Variants in C1orf185 observed in about 807,000 individuals in gnomAD.
The protein encoded by C1orf185 is chromosome 1 open reading frame 185, also known as uncharacterized protein C1orf185.
Under a neutral mutation model 16.1 loss-of-function variants are expected in C1orf185, and 13 were observed. The ratio of observed to expected loss-of-function variants is 0.81; its 90% confidence interval spans 0.53 to 1.28. The LOEUF is 1.28. Among genes scored for constraint, C1orf185 ranks in the 50% most tolerant of loss-of-function variants. C1orf185 has a pLI of 0.00. For synonymous variants in C1orf185, 80 were observed against 76.9 expected (o/e 1.04, Z -0.21); for missense variants, 220 against 225.2 (o/e 0.98, Z 0.15).
chr1:51,135,295 TTTGGGAG>T (rs1161209628), intron 3 of C1orf185, among the ~76,000 whole-genome samples: 1 of 152,112 alleles, frequency 6.6e-6, no homozygotes, highest in African/African-American at 2.4e-5. Context: ...ATCTCAACAC[TTTGGGAG>T]GCCAAGGCGG....
chr1:51,137,703 T>C (rs1646336625), intron 3 of C1orf185, among the ~76,000 whole-genome samples: 1 of 152,150 alleles, frequency 6.6e-6, no homozygotes, highest in Admixed American at 6.5e-5. Flanking sequence ...CATTACTGGA[T>C]ATTACCCAAA....
chr1:51,129,618 T>C (rs1646268743), intron 3 of C1orf185: 1 of 152,206 alleles, frequency 6.6e-6, no homozygotes. Flanking sequence ...CAGGCTGCTA[T>C]AACAAAAATA....
intron 2 of C1orf185, among the ~76,000 whole-genome samples, chr1:51,113,624 G>T (rs1004268765): frequency 2.6e-5 from 4 of 152,186 alleles, no homozygotes; most frequent in African/African-American, 9.7e-5. Flanking sequence ...TGCAGAGGTT[G>T]CAGTGAGCCG....
At chr1:51,146,314 C>T (rs1394889266) in intron 4 of C1orf185, among the ~76,000 whole-genome samples, 1 of 151,866 alleles carries the variant, frequency 6.6e-6, no homozygotes, top group African/African-American at 2.4e-5. Context: ...TAAAAATTAG[C>T]TGGATGTGGT....
At chr1:51,108,069 A>C (rs72892442) in intron 1 of C1orf185, among the ~76,000 whole-genome samples, 2 of 152,306 alleles carry the variant, frequency 1.3e-5, no homozygotes, top group African/African-American at 4.8e-5. Context: ...AATGCTAAAC[A>C]GTTTTTTAAA....
At chr1:51,146,882 G>A (rs1646404299) in intron 4 of C1orf185, among the ~76,000 whole-genome samples, 1 of 152,100 alleles carries the variant, frequency 6.6e-6, no homozygotes, top group South Asian at 2.1e-4. Flanking sequence ...CCTTCCCAAT[G>A]CAGACCAAGT....
chr1:51,127,787 G>A (rs1000103641), intron 3 of C1orf185, among the ~76,000 whole-genome samples: 2 of 151,718 alleles, frequency 1.3e-5, no homozygotes, highest in African/African-American at 4.8e-5. Context: ...CTTGTTGACG[G>A]ATATTGGGTT....
chr1:51,124,522 C>T (rs1263864879), intron 3 of C1orf185, among the ~76,000 whole-genome samples: 1 of 152,196 alleles, frequency 6.6e-6, no homozygotes, highest in African/African-American at 2.4e-5. Context: ...CATTACTGCT[C>T]TTTGCAGATC....
intron 3 of C1orf185, among the ~76,000 whole-genome samples, chr1:51,119,481 G>A (rs375507802): frequency 1.3e-5 from 2 of 152,272 alleles, no homozygotes; most frequent in East Asian, 1.9e-4. Flanking sequence ...AGTTGTACTC[G>A]GTGTTCATTG....
intron 3 of C1orf185, among the ~76,000 whole-genome samples, chr1:51,128,800 A>T (rs1390383286): frequency 6.6e-6 from 1 of 152,080 alleles, no homozygotes; most frequent in Non-Finnish European, 1.5e-5. Context: ...TGTGTGTGTG[A>T]CCTGCTTGTT....
intron 1 of C1orf185, among the ~76,000 whole-genome samples, chr1:51,112,200 A>G (rs907140294): frequency 1.3e-5 from 2 of 152,154 alleles, no homozygotes; most frequent in Admixed American, 1.3e-4. Context: ...AGCTGTACAA[A>G]CACAAACGAA....
At chr1:51,106,978 T>C (rs1004178049) in intron 1 of C1orf185, among the ~76,000 whole-genome samples, 9 of 152,094 alleles carry the variant, frequency 5.9e-5, no homozygotes, top group Non-Finnish European at 1.2e-4. Context: ...AGGATGGTTT[T>C]GATCTCCTGA....
rs769457494 is a variant in C1orf185, at chr1:51,127,885, G to GTTT, written c.258+9102_258+9104dup. Among the ~76,000 whole-genome samples, 440 of 115,316 alleles carry GTTT rather than the reference G, an allele frequency of 3.8e-3. 2 individuals carry two copies. The highest frequency in any genetic ancestry group is 6.8e-3 in the Non-Finnish European group (369 of 54,512). 75.7% of individuals were successfully genotyped at this position (115,316 alleles called of 152,430 possible). A position where few individuals can be genotyped will look rare whatever the true frequency, so the allele number is the denominator to read the frequency against. Reference sequence around the variant, plus strand: ...ATATATTCTCATTTTTCTTTTCTTTGTTTTTTTTTTTTTTTTTTTTGAGAT... The same window carrying GTTT: ...ATATATTCTCATTTTTCTTTTCTTTGTTTTTTTTTTTTTTTTTTTTTTTGAGAT... On this transcript the variant is annotated intron_variant, in intron 3 of 4. Transcript: ENST00000371759.
intron 2 of C1orf185, among the ~76,000 whole-genome samples, chr1:51,117,525 C>A (rs2148014849): frequency 6.6e-6 from 1 of 152,252 alleles, no homozygotes; most frequent in South Asian, 2.1e-4. Context: ...TCCCTCCCTC[C>A]CCCTAACTCC....
intron 3 of C1orf185, among the ~76,000 whole-genome samples, chr1:51,136,391 A>T (rs1203279839): frequency 6.7e-6 from 1 of 149,714 alleles, no homozygotes. Flanking sequence ...GCTGGAGTGC[A>T]GTGGTGTGAT....
intron 3 of C1orf185, among the ~76,000 whole-genome samples, chr1:51,135,431 C>T (rs1298461018): frequency 2.0e-5 from 3 of 152,012 alleles, no homozygotes; most frequent in African/African-American, 4.8e-5. Context: ...CCCAGCTACT[C>T]GGGAGGCTGA....
intron 1 of C1orf185, among the ~76,000 whole-genome samples, chr1:51,110,904 G>A (rs1398004977): frequency 6.7e-6 from 1 of 149,084 alleles, no homozygotes; most frequent in Non-Finnish European, 1.5e-5. Context: ...AGGAGTCGGA[G>A]GTTGCAGTGA....
chr1:51,151,681 A>T (rs141010934), downstream of C1orf185, among the ~76,000 whole-genome samples: 2 of 151,878 alleles, frequency 1.3e-5, no homozygotes, highest in East Asian at 3.9e-4. Context: ...TTTTATTTTT[A>T]TTTATTTATT....
rs141945255 is a variant in C1orf185 at position 51,125,316 on chromosome 1, G to A, written c.258+6515G>A. ...TTAGGGGGTTATAAACATAAGTCTG[G>A]TATCCTCCTCTTAGGCTTGTGAGGA... On this transcript the variant is annotated intron_variant, in intron 3 of 4. Coordinates refer to ENST00000371759, the MANE Select transcript of C1orf185 (RefSeq NM_001136508.2). 4.2e-3 allele frequency among the ~76,000 whole-genome samples: 634 copies of A among 152,232 alleles called. 2 individuals carry two copies. Among genetic ancestry groups the A allele is most frequent in the Middle Eastern group, 6.8e-3 (2 of 294 alleles).
Sources: allele counts gnomAD v4.1 joint callset (sites outside exome capture counted in the v4.1 genomes callset), GRCh38; gene constraint gnomAD v4.1.1; transcripts MANE v1.5; gene names NCBI Gene and HGNC (gene_info 2026-07-23, HGNC 2026-07-21).